Variants in LRP5 observed in about 807,000 individuals in gnomAD.
The protein encoded by LRP5 is low-density lipoprotein receptor-related protein 5.
A neutral mutation model predicts 154.1 loss-of-function variants in LRP5; 62 were observed. The ratio of observed to expected loss-of-function variants is 0.40; its 90% CI spans 0.33 to 0.50. The LOEUF (loss-of-function observed/expected upper bound fraction) is 0.50, where lower values mean the gene tolerates loss of function less well. Among genes scored for constraint, LRP5 ranks in the 20% least tolerant of loss-of-function variants. LRP5 has a pLI of 0.55. For synonymous variants in LRP5, 966 were observed against 1,011.5 expected, an observed-to-expected ratio of 0.96 and a Z score of 0.85; for missense variants, 1,915 against 2,336.7, an observed-to-expected ratio of 0.82 and a Z score of 3.72.
At chr11:68,320,806 T>C (rs1471225461) in intron 1 of LRP5, among the ~76,000 whole-genome samples, 4 of 152,218 alleles carry the variant, frequency 2.6e-5, no homozygotes, top group African/African-American at 9.6e-5. Flanking sequence ...TTATTTGGTA[T>C]GGACTTTAAT....
chr11:68,301,830 G>A, the LRP5 span, among the ~76,000 whole-genome samples: 11 of 151,194 alleles, frequency 7.3e-5, no homozygotes, highest in Admixed American at 2.6e-4. Context: ...GGGCTTCACT[G>A]TGTTAGCCAG....
intron 1 of LRP5, among the ~76,000 whole-genome samples, chr11:68,338,867 GT>G (rs11382677): frequency 1.3e-3 from 122 of 91,936 alleles, no homozygotes; most frequent in South Asian, 4.4e-3. Context: ...CTTTTGTTTA[GT>G]TTTTTTTTTT....
chr11:68,369,047 A>T (rs1157951990), intron 5 of LRP5, among the ~76,000 whole-genome samples: 3 of 152,132 alleles, frequency 2.0e-5, no homozygotes, highest in Non-Finnish European at 2.9e-5. Context: ...CATGTTGGCT[A>T]GGCTGGTCTT....
intron 5 of LRP5, among the ~76,000 whole-genome samples, chr11:68,370,366 G>C (rs1016025828): frequency 6.6e-6 from 1 of 152,066 alleles, no homozygotes; most frequent in African/African-American, 2.4e-5. Context: ...GGAGAGGGGG[G>C]GACAGGCCCT....
intron 9 of LRP5, among the ~76,000 whole-genome samples, chr11:68,407,753 A>G (rs1464551752): frequency 6.6e-6 from 1 of 152,066 alleles, no homozygotes; most frequent in Non-Finnish European, 1.5e-5. Flanking sequence ...AGGCTGAAGC[A>G]GGAGAATTGC....
At chr11:68,440,029 T>C in intron 21 of LRP5, 113 bp downstream of exon 21, 3 of 891,180 alleles carry the variant, frequency 3.4e-6, no homozygotes, top group Non-Finnish European at 5.0e-6. Flanking sequence ...CCACCGCCTC[T>C]GAGGCATGCT....
intron 3 of LRP5, among the ~76,000 whole-genome samples, chr11:68,358,591 C>T (rs2098625181): frequency 2.0e-5 from 3 of 152,208 alleles, no homozygotes; most frequent in Admixed American, 6.5e-5. Context: ...CTGAGGGCAA[C>T]AGCCGGAAGC....
intron 21 of LRP5, among the ~76,000 whole-genome samples, chr11:68,444,413 A>G (rs1189554914): frequency 6.6e-6 from 1 of 152,152 alleles, no homozygotes; most frequent in African/African-American, 2.4e-5. Flanking sequence ...GCTTCTCGGG[A>G]GTCTGAGGCT....
intron 5 of LRP5, among the ~76,000 whole-genome samples, chr11:68,366,559 G>C (rs533986101): frequency 6.6e-6 from 1 of 152,120 alleles, no homozygotes; most frequent in African/African-American, 2.4e-5. Context: ...TGGTCGTGGC[G>C]CCCGTGGCGT....
rs1420282770 is a variant in LRP5 at position 68,409,069 on chromosome 11, A to ATAT, written c.2092-845_2092-844insTAT. Among the ~76,000 whole-genome samples the ATAT allele has an allele frequency of 4.8e-3, 245 of 50,958 alleles. 2 individuals carry two copies. Among genetic ancestry groups the ATAT allele is most frequent in the Non-Finnish European group, 7.4e-3 (223 of 30,272 alleles). The allele number at this position is 50,958 out of a possible 152,430, so 33.4% of individuals were successfully genotyped here. A position where few individuals can be genotyped will look rare whatever the true frequency, so the allele number is the denominator to read the frequency against. Reference sequence around the variant, plus strand: ...ATCTGGGGAAAAAAAAAAAAAAAAAAAAAAATATATATATATATATATATA... The same window carrying ATAT: ...ATCTGGGGAAAAAAAAAAAAAAAAAATATAAAAATATATATATATATATATATA... On this transcript the variant is annotated intron_variant, in intron 9 of 22. Coordinates refer to ENST00000294304, the MANE Select transcript of LRP5 (RefSeq NM_002335.4).
intron 13 of LRP5, among the ~76,000 whole-genome samples, chr11:68,421,260 CAA>C (rs929751325): frequency 4.2e-5 from 6 of 142,684 alleles, no homozygotes; most frequent in African/African-American, 1.3e-4. Context: ...GACTCCGTCT[CAA>C]AAAAAAAAAG....
intron 3 of LRP5, among the ~76,000 whole-genome samples, chr11:68,362,673 A>C (rs1160772701): frequency 1.3e-5 from 2 of 151,706 alleles, no homozygotes; most frequent in Admixed American, 6.6e-5. Flanking sequence ...CCTGGGTGAC[A>C]GAGTGAGACC....
At position 68,348,085 on chromosome 11, in the gene LRP5, C is replaced by T. The variant is rs760197742; in HGVS notation, c.330C>T (p.Pro110=). The change falls in exon 2 of 23, where the codon CCC becomes CCT. Residue 110 remains proline, a synonymous_variant. Coordinates refer to ENST00000294304, the MANE Select transcript of LRP5 (RefSeq NM_002335.4). The part of the protein sequence containing the change: ...QNVVISGLVS[P]DGLACDWVGK... ...TGGTCATCTCCGGCCTGGTCTCTCC[C>T]GACGGCCTCGCCTGCGACTGGGTGG... 19 of 1,613,992 alleles carry T rather than the reference C, an allele frequency of 1.2e-5. No individual in the cohort carries two copies. The highest frequency in any genetic ancestry group is 6.6e-5 in the South Asian group (6 of 91,090).
chr11:68,445,535 C>T (rs966014467), intron 21 of LRP5: 2 of 1,206,842 alleles, frequency 1.7e-6, no homozygotes, highest in South Asian at 1.3e-5. Context: ...CTGAGTCCCT[C>T]GGGCATAACT....
intron 17 of LRP5, among the ~76,000 whole-genome samples, chr11:68,430,612 C>T (rs1308052514): frequency 6.6e-6 from 1 of 152,222 alleles, no homozygotes; most frequent in Non-Finnish European, 1.5e-5. Flanking sequence ...TAATAGTGCT[C>T]ATCAGGTTGT....
upstream of LRP5, among the ~76,000 whole-genome samples, chr11:68,309,608 T>C (rs1453478911): frequency 2.0e-5 from 3 of 149,856 alleles, no homozygotes; most frequent in African/African-American, 7.4e-5. Flanking sequence ...TAATTCTTGG[T>C]ACATTTTCTA....
upstream of LRP5, among the ~76,000 whole-genome samples, chr11:68,311,502 C>T (rs2098587820): frequency 1.3e-5 from 2 of 152,270 alleles, no homozygotes; most frequent in Admixed American, 1.3e-4. Flanking sequence ...CAACGCCCTT[C>T]ATTTCTCATG....
intron 18 of LRP5, among the ~76,000 whole-genome samples, chr11:68,435,839 T>C (rs7115410): frequency 0.35 from 52,547 of 151,780 alleles, 9,958 homozygotes; most frequent in Middle Eastern, 0.5. Context: ...GATTCTCCTG[T>C]ATCAGCCTCC....
chr11:68,334,053 G>T (rs1331014073), intron 1 of LRP5, among the ~76,000 whole-genome samples: 1 of 152,160 alleles, frequency 6.6e-6, no homozygotes, highest in African/African-American at 2.4e-5. Flanking sequence ...GGCCAACATG[G>T]TGAAACCCCA....
Sources: allele counts gnomAD v4.1 joint callset (sites outside exome capture counted in the v4.1 genomes callset), GRCh38; gene constraint gnomAD v4.1.1; transcripts MANE v1.5; gene names NCBI Gene and HGNC (gene_info 2026-07-23, HGNC 2026-07-21).